The following GABRA3 variants were observed in gnomAD, a reference collection of about 807,000 sequenced individuals.
GABRA3 encodes gamma-aminobutyric acid type A receptor subunit alpha3.
GABRA3 carries 10 observed loss-of-function variants against 30.1 expected under a neutral mutation model. The observed-to-expected ratio is 0.33, with a 90% CI of 0.20 to 0.56. The LOEUF (loss-of-function observed/expected upper bound fraction) is 0.56, where lower values mean the gene tolerates loss of function less well. GABRA3 is among the 20% of genes least tolerant of loss of function. The pLI, the probability that GABRA3 is intolerant of heterozygous loss-of-function variation, is 0.89. For synonymous variants in GABRA3, 151 were observed against 146.8 expected, an observed-to-expected ratio of 1.03 and a Z score of -0.21; for missense variants, 233 against 392.0, an observed-to-expected ratio of 0.59 and a Z score of 3.42.
At chrX:152,295,613 T>C (rs761365875) in intron 3 of GABRA3, among the ~76,000 whole-genome samples, 39 of 112,947 alleles carry the variant, frequency 3.5e-4, no homozygotes, top group African/African-American at 1.2e-3. Flanking sequence ...ACAGCTTCCC[T>C]TGGCTTGGAA....
At chrX:152,173,882 T>G (rs1304286525) in intron 9 of GABRA3, among the ~76,000 whole-genome samples, 3 of 110,461 alleles carry the variant, frequency 2.7e-5, no homozygotes, top group Non-Finnish European at 5.7e-5. Context: ...GTTGGTGTGC[T>G]GCACCCATTA....
At chrX:152,368,863 G>A (rs1423671535) in intron 1 of GABRA3, among the ~76,000 whole-genome samples, 5 of 108,915 alleles carry the variant, frequency 4.6e-5, no homozygotes, top group South Asian at 8.0e-4. Context: ...CGGCCACCAC[G>A]CCCAGCTAAT....
intron 9 of GABRA3, among the ~76,000 whole-genome samples, chrX:152,188,581 CT>C (rs756079696): frequency 3.0e-3 from 330 of 110,869 alleles, no homozygotes; most frequent in Non-Finnish European, 4.3e-3. Context: ...AAAGTAACAA[CT>C]AGATTAAGCA....
intron 5 of GABRA3, among the ~76,000 whole-genome samples, chrX:152,231,252 C>T (rs774186326): frequency 4.0e-4 from 41 of 101,298 alleles, no homozygotes; most frequent in African/African-American, 1.2e-3. Context: ...TATACATACA[C>T]GTATATGTAT....
At chrX:152,254,542 A>G (rs754514435) in intron 5 of GABRA3, among the ~76,000 whole-genome samples, 2 of 109,289 alleles carry the variant, frequency 1.8e-5, no homozygotes, top group South Asian at 7.9e-4. Context: ...TCATTATTTT[A>G]TCCTCCACTC....
chrX:152,289,938 T>G (rs910850279), intron 3 of GABRA3, among the ~76,000 whole-genome samples: 1 of 112,153 alleles, frequency 8.9e-6, no homozygotes, highest in African/African-American at 3.2e-5. Context: ...TTGGGTTGGT[T>G]CCAAGTTTCT....
intron 4 of GABRA3, among the ~76,000 whole-genome samples, chrX:152,257,561 C>A (rs939050523): frequency 8.9e-6 from 1 of 112,765 alleles, no homozygotes; most frequent in African/African-American, 3.2e-5. Flanking sequence ...GCCATTCTGG[C>A]ATTTCTCTTC....
At chrX:152,343,439 C>T (rs1940343912) in intron 3 of GABRA3, among the ~76,000 whole-genome samples, 1 of 101,953 alleles carries the variant, frequency 9.8e-6, no homozygotes, top group African/African-American at 3.6e-5. Flanking sequence ...TTGTTCCAAC[C>T]TCAAATCCAA....
intron 5 of GABRA3, among the ~76,000 whole-genome samples, chrX:152,231,141 GTATA>G (rs79879261): frequency 0.1 from 10,707 of 102,157 alleles, 1,137 homozygotes; most frequent in East Asian, 0.33. Context: ...AATGAGAAGT[GTATA>G]TATATATATA....
intron 3 of GABRA3, among the ~76,000 whole-genome samples, chrX:152,344,879 G>T (rs886839862): frequency 1.8e-5 from 2 of 111,632 alleles, no homozygotes; most frequent in Non-Finnish European, 3.8e-5. Flanking sequence ...AGTACATTTT[G>T]GGGATAATTG....
chrX:152,221,920 T>C (rs183349046), intron 6 of GABRA3, among the ~76,000 whole-genome samples: 10 of 111,731 alleles, frequency 9.0e-5, no homozygotes, highest in Non-Finnish European at 1.5e-4. Context: ...CCTCTGTGTG[T>C]CCATGTGTTC....
chrX:152,293,433 T>A (rs1414716921), intron 3 of GABRA3, among the ~76,000 whole-genome samples: 1 of 111,276 alleles, frequency 9.0e-6, no homozygotes, highest in Admixed American at 9.6e-5. Flanking sequence ...CATCCCTTTA[T>A]TTTGAGCCTA....
At chrX:152,219,224 A>C (rs1442066845) in intron 6 of GABRA3, among the ~76,000 whole-genome samples, 1 of 111,136 alleles carries the variant, frequency 9.0e-6, no homozygotes, top group Non-Finnish European at 1.9e-5. Flanking sequence ...ATGGCTTTAA[A>C]CATCATCTAT....
intron 1 of GABRA3, among the ~76,000 whole-genome samples, chrX:152,375,795 T>C (rs1928980134): frequency 8.9e-6 from 1 of 112,320 alleles, no homozygotes; most frequent in Admixed American, 9.4e-5. Context: ...CTCTTCCCTA[T>C]TCCTCTCAAC....
chrX:152,331,406 G>A (rs1408819866), intron 3 of GABRA3, among the ~76,000 whole-genome samples: 1 of 111,119 alleles, frequency 9.0e-6, no homozygotes, highest in African/African-American at 3.3e-5. Context: ...TTCTTCATGA[G>A]TTAACATTCT....
intron 5 of GABRA3, among the ~76,000 whole-genome samples, chrX:152,247,805 G>C (rs746577517): frequency 9.0e-6 from 1 of 111,092 alleles, no homozygotes; most frequent in Non-Finnish European, 1.9e-5. Flanking sequence ...ATTGCTGTGA[G>C]GATTAAATTT....
chrX:152,200,655 C>T (rs1185891835), intron 7 of GABRA3, among the ~76,000 whole-genome samples: 1 of 111,076 alleles, frequency 9.0e-6, no homozygotes, highest in African/African-American at 3.3e-5. Context: ...TGCAATTCTC[C>T]CTCTTTACCA....
chrX:152,271,079 G>A (rs928519177), intron 4 of GABRA3, among the ~76,000 whole-genome samples: 6 of 107,742 alleles, frequency 5.6e-5, no homozygotes, highest in African/African-American at 1.7e-4. Context: ...CTCCTGCCTC[G>A]GCCCCCAAGA....
rs1019768302 is a variant in GABRA3, at chrX:152,166,694, G to A, written c.*1534C>T. ...ATCATAAACAGTCTCATTCTCTTGG[G>A]CTGAGACTATTAAAAGTGATCTTCT... On this transcript the variant is annotated 3_prime_UTR_variant, in exon 10 of 10. Coordinates refer to ENST00000370314, the MANE Select transcript of GABRA3 (RefSeq NM_000808.4). 9.0e-6 allele frequency: 1 copy of A among 110,683 alleles called. No homozygotes were observed. Among genetic ancestry groups the A allele is most frequent in the African/African-American group, 3.3e-5 (1 of 30,288 alleles). 9.1% of individuals were successfully genotyped at this position (110,683 alleles called of 1,213,427 possible).
Sources: allele counts gnomAD v4.1 joint callset (sites outside exome capture counted in the v4.1 genomes callset), GRCh38; gene constraint gnomAD v4.1.1; transcripts MANE v1.5; gene names NCBI Gene and HGNC (gene_info 2026-07-23, HGNC 2026-07-21).